EIF2AK2: variants seen among roughly 807,000 people sequenced by gnomAD.
EIF2AK2 encodes interferon-induced, double-stranded RNA-activated protein kinase.
EIF2AK2 carries 40 observed loss-of-function variants against 70.5 expected under a neutral mutation model. That is an observed-to-expected ratio of 0.57 (90% CI 0.44 to 0.74). The LOEUF (loss-of-function observed/expected upper bound fraction) is 0.74. EIF2AK2 is among the 30% of genes least tolerant of loss of function. The pLI is 0.00. For missense variants in EIF2AK2, 555 were observed against 644.3 expected (o/e 0.86, Z 1.50); for synonymous variants, 198 against 220.9 (o/e 0.90, Z 0.92).
intron 11 of EIF2AK2, among the ~76,000 whole-genome samples, chr2:37,126,024 C>T (rs189179319): frequency 8.5e-5 from 13 of 152,274 alleles, no homozygotes; most frequent in Admixed American, 6.5e-4. Flanking sequence ...ATTTGCATGT[C>T]ACTTTAAAGC....
At chr2:37,131,764 G>A (rs1028196863) in intron 10 of EIF2AK2, among the ~76,000 whole-genome samples, 1 of 152,122 alleles carries the variant, frequency 6.6e-6, no homozygotes, top group African/African-American at 2.4e-5. Flanking sequence ...GTCACTGAGA[G>A]ATATTGTGAT....
At chr2:37,132,070 T>G (rs1175753731) in intron 10 of EIF2AK2, among the ~76,000 whole-genome samples, 2 of 152,134 alleles carry the variant, frequency 1.3e-5, no homozygotes, top group Non-Finnish European at 2.9e-5. Context: ...AGTTACCCAT[T>G]GCAAAGGACT....
At chr2:37,152,342 C>T (rs1443083495) in intron 1 of EIF2AK2, among the ~76,000 whole-genome samples, 3 of 152,064 alleles carry the variant, frequency 2.0e-5, no homozygotes, top group Admixed American at 2.0e-4. Flanking sequence ...AGTGCAGTAA[C>T]ATGATCTCAG....
At chr2:37,155,613 G>T (rs550548900) in intron 1 of EIF2AK2, among the ~76,000 whole-genome samples, 1 of 152,236 alleles carries the variant, frequency 6.6e-6, no homozygotes, top group South Asian at 2.1e-4. Context: ...TTGGGGAGCA[G>T]ATTCTACATC....
chr2:37,123,103 G>C (rs1049134407), intron 11 of EIF2AK2, among the ~76,000 whole-genome samples: 1 of 151,828 alleles, frequency 6.6e-6, no homozygotes, highest in African/African-American at 2.4e-5. Flanking sequence ...AGGAGGCGGA[G>C]GTTGCAGTGA....
chr2:37,149,100 A>G, intron 1 of EIF2AK2, 77 bp from the exon 2 acceptor site: 2 of 893,578 alleles, frequency 2.2e-6, no homozygotes, highest in Non-Finnish European at 3.8e-6. Context: ...AGCGAAGACT[A>G]AGGTCTATGA....
chr2:37,122,554 G>C lies in EIF2AK2; in HGVS notation c.1019C>G (p.Ser340Cys), dbSNP rs1428362301. 1 of 1,613,980 alleles carries C rather than the reference G, an allele frequency of 6.2e-7. No individual in the cohort carries two copies. Among genetic ancestry groups the C allele is most frequent in the Admixed American group, 1.7e-5 (1 of 59,982 alleles). ...FDYDPETSDD[S>C]LESSDYDPEN... is the part of the protein sequence containing the mutation. ...AGGATCATAATCACTGCTCTCAAGAGAATCATCACTGGTCTCAGGATCATA... is the reference window on the plus strand; with the variant it reads ...AGGATCATAATCACTGCTCTCAAGACAATCATCACTGGTCTCAGGATCATA... The change falls in exon 12 of 17, where the codon TCT becomes TGT. Residue 340 changes from serine (S) to cysteine (C), a missense_variant. Coordinates refer to ENST00000233057, the MANE Select transcript of EIF2AK2 (RefSeq NM_001135651.3).
chr2:37,118,595 G>A (rs1371061735), intron 13 of EIF2AK2, among the ~76,000 whole-genome samples: 1 of 152,300 alleles, frequency 6.6e-6, no homozygotes, highest in Admixed American at 6.5e-5. Flanking sequence ...TTAACTATAT[G>A]TATGATTTAT....
chr2:37,111,878 A>AAAATATATATATATATATATAT (rs1553335064), intron 14 of EIF2AK2, among the ~76,000 whole-genome samples: 1 of 69,126 alleles, frequency 1.4e-5, no homozygotes, highest in African/African-American at 6.2e-5. Context: ...AAAAAAAAAA[A>AAAATATATATATATATATATAT]ATATATATAT....
chr2:37,139,360 C>A (rs1675246521), intron 6 of EIF2AK2, among the ~76,000 whole-genome samples: 1 of 151,826 alleles, frequency 6.6e-6, no homozygotes, highest in Non-Finnish European at 1.5e-5. Context: ...ATCCACCTGC[C>A]TTGGCCTCCC....
At chr2:37,142,942 G>A (rs1675384596) in intron 4 of EIF2AK2, among the ~76,000 whole-genome samples, 2 of 151,964 alleles carry the variant, frequency 1.3e-5, no homozygotes, top group South Asian at 4.2e-4. Context: ...AAGAATCAAT[G>A]TTGGGGCCGG....
chr2:37,144,238 C>A (rs1321683741), intron 4 of EIF2AK2, among the ~76,000 whole-genome samples: 1 of 152,014 alleles, frequency 6.6e-6, no homozygotes, highest in Non-Finnish European at 1.5e-5. Context: ...GTTCTACAGT[C>A]TTATAAAAAA....
chr2:37,146,173 T>C (rs2148710823), intron 4 of EIF2AK2, among the ~76,000 whole-genome samples: 1 of 152,322 alleles, frequency 6.6e-6, no homozygotes, highest in African/African-American at 2.4e-5. Flanking sequence ...ATATGCTGTA[T>C]AGGTTCGTAG....
At chr2:37,136,701 G>C (rs1372404860) in intron 9 of EIF2AK2, 1 of 222,748 alleles carries the variant, frequency 4.5e-6, no homozygotes, top group Non-Finnish European at 8.8e-6. Context: ...CACTTCTACA[G>C]TGAAAACAGC....
chr2:37,139,919 T>C (rs984974853), intron 5 of EIF2AK2, among the ~76,000 whole-genome samples, 162 bp from the exon 6 acceptor site: 2 of 152,232 alleles, frequency 1.3e-5, no homozygotes, highest in Non-Finnish European at 2.9e-5. Flanking sequence ...CTCAGTAACA[T>C]GCCTGACCAA....
chr2:37,149,169 T>G, intron 1 of EIF2AK2, 146 bp from the exon 2 acceptor site: 2 of 1,024,662 alleles, frequency 2.0e-6, no homozygotes, highest in South Asian at 2.5e-5. Context: ...GAAGATTGTT[T>G]AGGATGTTTC....
At chr2:37,151,509 T>A (rs1331863222) in intron 1 of EIF2AK2, among the ~76,000 whole-genome samples, 1 of 152,224 alleles carries the variant, frequency 6.6e-6, no homozygotes, top group Non-Finnish European at 1.5e-5. Flanking sequence ...CTGATAAGAA[T>A]GTAAAACAAT....
intron 1 of EIF2AK2, among the ~76,000 whole-genome samples, chr2:37,152,292 T>G (rs1162652923): frequency 6.6e-6 from 1 of 152,056 alleles, no homozygotes; most frequent in African/African-American, 2.4e-5. Context: ...TTTCTGTTTT[T>G]TGTTTTTGAG....
At chr2:37,145,141 G>GTTTTT (rs57402760) in intron 4 of EIF2AK2, among the ~76,000 whole-genome samples, 8 of 129,090 alleles carry the variant, frequency 6.2e-5, no homozygotes, top group Non-Finnish European at 1.3e-4. Context: ...GGTTTTGTGG[G>GTTTTT]TTTTTTTTTT....
Sources: allele counts gnomAD v4.1 joint callset (sites outside exome capture counted in the v4.1 genomes callset), GRCh38; gene constraint gnomAD v4.1.1; transcripts MANE v1.5; gene names NCBI Gene and HGNC (gene_info 2026-07-23, HGNC 2026-07-21).